ERBB4: variants seen among roughly 807,000 people sequenced by gnomAD.
ERBB4 encodes the protein receptor tyrosine-protein kinase erbB-4.
Under a neutral mutation model 158.0 loss-of-function variants are expected in ERBB4, and 42 were observed. The observed-to-expected ratio is 0.27, with a 90% confidence interval of 0.21 to 0.34. ERBB4 has a LOEUF of 0.34. Ranked by LOEUF, ERBB4 falls within the 10% of genes least tolerant of loss-of-function variation. ERBB4 has a pLI of 1.00. For missense variants in ERBB4, 1,333 were observed against 1,624.1 expected, an observed-to-expected ratio of 0.82 and a Z score of 3.08; for synonymous variants, 583 against 558.7, an observed-to-expected ratio of 1.04 and a Z score of -0.61.
intron 3 of ERBB4, among the ~76,000 whole-genome samples, chr2:211,892,822 A>G (rs1182351260): frequency 7.0e-6 from 1 of 143,600 alleles, no homozygotes; most frequent in Admixed American, 6.8e-5. Context: ...TGCTTCAAAG[A>G]AAATAAAATA....
At chr2:211,571,331 G>T (rs2067723595) in intron 19 of ERBB4, among the ~76,000 whole-genome samples, 1 of 151,962 alleles carries the variant, frequency 6.6e-6, no homozygotes, top group Admixed American at 6.6e-5. Flanking sequence ...ATATGACAGA[G>T]TTGTCAAAAA....
chr2:212,360,134 C>G (rs1442028670), intron 1 of ERBB4, among the ~76,000 whole-genome samples: 1 of 151,688 alleles, frequency 6.6e-6, no homozygotes, highest in Non-Finnish European at 1.5e-5. Context: ...TAACAAAGAA[C>G]CTTTCTATCA....
intron 19 of ERBB4, among the ~76,000 whole-genome samples, chr2:211,585,127 C>T (rs182053030): frequency 0.018 from 2,717 of 151,968 alleles, 71 homozygotes; most frequent in African/African-American, 0.06. Context: ...CCGAGGCGGG[C>T]GGATCACGAA....
chr2:212,051,605 G>T (rs1006438887), intron 2 of ERBB4, among the ~76,000 whole-genome samples: 9 of 152,248 alleles, frequency 5.9e-5, no homozygotes, highest in African/African-American at 1.9e-4. Context: ...AATCATGGAA[G>T]CACAGGGTTT....
At position 211,831,128 on chromosome 2, in the gene ERBB4, A is replaced by C. The variant is rs151100451; in HGVS notation, c.422-42969T>G. Among the ~76,000 whole-genome samples, 648 of 152,328 alleles carry C rather than the reference A, an allele frequency of 4.3e-3. 8 individuals carry two copies. Among genetic ancestry groups the C allele is most frequent in the African/African-American group, 0.014 (591 of 41,580 alleles). On this transcript the variant is annotated intron_variant, in intron 3 of 27. Coordinates refer to ENST00000342788, the MANE Select transcript of ERBB4 (RefSeq NM_005235.3). ...TACTTAGCTTGGAGATGAATGAATA[A>C]AAATCATAATTAAAGAATCTCTAAT... is the stretch of plus-strand genomic sequence containing the variant.
At chr2:211,472,308 CTTA>C (rs879454502) in intron 20 of ERBB4, among the ~76,000 whole-genome samples, 40 of 148,348 alleles carry the variant, frequency 2.7e-4, no homozygotes, top group Admixed American at 1.4e-3. Flanking sequence ...TATTATAAAT[CTTA>C]TTATATTAAA....
At chr2:211,412,106 A>T (rs1484971319) in intron 25 of ERBB4, among the ~76,000 whole-genome samples, 1 of 152,088 alleles carries the variant, frequency 6.6e-6, no homozygotes, top group African/African-American at 2.4e-5. Flanking sequence ...AAGAGAAAAA[A>T]AAAAAGTTTT....
chr2:212,095,934 C>CAAA (rs746751111), intron 2 of ERBB4, among the ~76,000 whole-genome samples: 3 of 53,090 alleles, frequency 5.7e-5, no homozygotes, highest in Admixed American at 2.0e-4. Context: ...GACTCTGTCT[C>CAAA]AAAAAAAAAA....
At chr2:212,231,386 C>T (rs2083660982) in intron 1 of ERBB4, among the ~76,000 whole-genome samples, 1 of 152,072 alleles carries the variant, frequency 6.6e-6, no homozygotes, top group Non-Finnish European at 1.5e-5. Context: ...CCTAAGGAGA[C>T]CTGGAACTTT....
At chr2:211,479,326 C>A (rs937117964) in intron 20 of ERBB4, among the ~76,000 whole-genome samples, 7 of 152,144 alleles carry the variant, frequency 4.6e-5, no homozygotes, top group Admixed American at 1.3e-4. Context: ...TTCCTTCTAT[C>A]CCTGGGTAAT....
At chr2:211,510,707 C>T (rs1388551272) in intron 20 of ERBB4, among the ~76,000 whole-genome samples, 9 of 152,142 alleles carry the variant, frequency 5.9e-5, no homozygotes, top group East Asian at 1.9e-4. Flanking sequence ...TAGTTTTCTA[C>T]TCATTTCATC....
chr2:211,662,874 T>C (rs1388719065), intron 15 of ERBB4, among the ~76,000 whole-genome samples: 2 of 152,224 alleles, frequency 1.3e-5, no homozygotes, highest in African/African-American at 2.4e-5. Context: ...TTTTCATTAA[T>C]GTGGTTCTTG....
chr2:212,024,461 T>C (rs190909880), intron 2 of ERBB4, among the ~76,000 whole-genome samples: 2 of 152,080 alleles, frequency 1.3e-5, no homozygotes, highest in East Asian at 1.9e-4. Context: ...AAATCCCTTA[T>C]TGCTTCGTGT....
intron 2 of ERBB4, among the ~76,000 whole-genome samples, chr2:212,086,198 C>T (rs1286963646): frequency 1.3e-5 from 2 of 151,786 alleles, no homozygotes; most frequent in Non-Finnish European, 2.9e-5. Context: ...TGATTGGCTG[C>T]CACGTTTTCT....
At chr2:211,753,151 A>G (rs142480191) in intron 4 of ERBB4, among the ~76,000 whole-genome samples, 2 of 116,142 alleles carry the variant, frequency 1.7e-5, no homozygotes, top group Admixed American at 1.7e-4. Flanking sequence ...TCTGACCAAA[A>G]TATCTGATTA....
chr2:212,159,447 C>T (rs901565921), intron 1 of ERBB4, among the ~76,000 whole-genome samples: 2 of 151,788 alleles, frequency 1.3e-5, no homozygotes, highest in Non-Finnish European at 2.9e-5. Context: ...ATTTTACATT[C>T]GTATAATGTA....
rs368962994 is a variant in ERBB4, at chr2:211,727,562, T to C, written c.623-2368A>G. Among the ~76,000 whole-genome samples, 75 of 152,124 alleles carry C rather than the reference T, an allele frequency of 4.9e-4. 2 individuals carry two copies. Among genetic ancestry groups the C allele is most frequent in the African/African-American group, 1.7e-3 (72 of 41,542 alleles). ...TTTATCAGAGAGATAAAAAGGTGTA[T>C]AGAGTTAAAGAGATAGGTCACTAAG... is the stretch of plus-strand genomic sequence containing the variant. On this transcript the variant is annotated intron_variant, in intron 5 of 27. Transcript: ENST00000342788.
chr2:211,623,652 A>G (rs1287468629), intron 18 of ERBB4, among the ~76,000 whole-genome samples: 1 of 152,184 alleles, frequency 6.6e-6, no homozygotes, highest in Admixed American at 6.5e-5. Context: ...AAGGAATATG[A>G]CATACGGGGC....
At chr2:211,714,409 A>G (rs1280068570) in intron 7 of ERBB4, among the ~76,000 whole-genome samples, 1 of 152,152 alleles carries the variant, frequency 6.6e-6, no homozygotes, top group Non-Finnish European at 1.5e-5. Flanking sequence ...ACAATATGCA[A>G]TGTTGTGGAA....
Sources: allele counts gnomAD v4.1 joint callset (sites outside exome capture counted in the v4.1 genomes callset), GRCh38; gene constraint gnomAD v4.1.1; transcripts MANE v1.5; gene names NCBI Gene and HGNC (gene_info 2026-07-23, HGNC 2026-07-21).